Variants in COG5 observed in about 807,000 individuals in gnomAD.
COG5 encodes component of oligomeric golgi complex 5, also known as conserved oligomeric Golgi complex subunit 5.
A neutral mutation model predicts 110.4 loss-of-function variants in COG5; 86 were observed. The observed-to-expected ratio is 0.78, with a 90% CI of 0.65 to 0.93. COG5 has a LOEUF of 0.93. COG5 is among the 40% of genes least tolerant of loss of function. The probability of loss-of-function intolerance (pLI) is 0.00; values close to 1 mark genes in which losing one functional copy is unlikely to be tolerated. For missense variants in COG5, 1,077 were observed against 987.0 expected, an observed-to-expected ratio of 1.09 and a Z score of -1.22; for synonymous variants, 360 against 334.6, an observed-to-expected ratio of 1.08 and a Z score of -0.83.
chr7:107,213,426 C>G (rs1402253233), intron 19 of COG5, among the ~76,000 whole-genome samples: 8 of 152,224 alleles, frequency 5.3e-5, no homozygotes, highest in Admixed American at 1.3e-4. Flanking sequence ...TGGAGCATAA[C>G]CTCTGGACTT....
intron 6 of COG5, among the ~76,000 whole-genome samples, chr7:107,524,635 T>G (rs1253083932): frequency 1.3e-5 from 2 of 152,222 alleles, no homozygotes; most frequent in East Asian, 3.9e-4. Flanking sequence ...TGGCTTCTCC[T>G]TATTATAAAT....
intron 6 of COG5, among the ~76,000 whole-genome samples, chr7:107,432,044 G>A (rs1794061427): frequency 6.6e-6 from 1 of 152,160 alleles, no homozygotes; most frequent in Non-Finnish European, 1.5e-5. Context: ...GTTTGTGTGT[G>A]TGTGCATGAA....
intron 7 of COG5, among the ~76,000 whole-genome samples, chr7:107,383,557 T>C (rs901732461): frequency 2.0e-5 from 3 of 152,090 alleles, no homozygotes; most frequent in African/African-American, 4.8e-5. Context: ...ACCTCAAGGG[T>C]GCAAGCTGCT....
intron 6 of COG5, among the ~76,000 whole-genome samples, chr7:107,487,147 T>C (rs1797702225): frequency 6.6e-6 from 1 of 152,102 alleles, no homozygotes; most frequent in South Asian, 2.1e-4. Flanking sequence ...GGGAAACACA[T>C]TTACAACCTA....
intron 17 of COG5, among the ~76,000 whole-genome samples, chr7:107,240,866 T>C (rs1272920325): frequency 6.6e-6 from 1 of 152,232 alleles, no homozygotes; most frequent in Non-Finnish European, 1.5e-5. Context: ...TGTACTGCTA[T>C]ATATGAATAA....
Position 107,474,092 on chromosome 7 carries a change from T to C in COG5, c.538+53145A>G, listed in dbSNP as rs1796822232. The C allele has an allele frequency of 6.3e-7, 1 of 1,581,936 alleles. No homozygotes were observed. The highest frequency in any genetic ancestry group is 1.4e-5 in the African/African-American group (1 of 73,800). On this transcript the variant is annotated intron_variant, in intron 6 of 21. Coordinates refer to ENST00000297135, the MANE Select transcript of COG5 (RefSeq NM_006348.5). This position sits in a 1 kb window ranked among gnomAD's most constrained non-coding sequence, Gnocchi z 5.7. Reference sequence around the variant, plus strand: ...TTTTCTCCCATTCTGGAAATCAACATGCAGTCTGAATCTAACATTACAGTG... The same window carrying C: ...TTTTCTCCCATTCTGGAAATCAACACGCAGTCTGAATCTAACATTACAGTG...
At position 107,321,621 on chromosome 7, in the gene COG5, A is replaced by AT. The variant is rs562822882; in HGVS notation, c.1108+2818dup. On this transcript the variant is annotated intron_variant, in intron 11 of 21. Transcript: ENST00000297135. ...ACAGAGTCCAGAAATAGTCTTACTT[A>AT]TAGATAACCAAATGATTTTCAACAA... Among the ~76,000 whole-genome samples the AT allele has an allele frequency of 3.3e-5, 5 of 152,328 alleles. No individual in the cohort carries two copies. The East Asian group carries it at 9.7e-4, about 29-fold the overall frequency.
chr7:107,348,125 C>CAAAAAAA (rs34140927), intron 10 of COG5, among the ~76,000 whole-genome samples: 3 of 51,240 alleles, frequency 5.9e-5, no homozygotes, highest in Non-Finnish European at 1.0e-4. Flanking sequence ...GACTCCATCT[C>CAAAAAAA]AAAAAAAAAA....
At chr7:107,349,676 G>C (rs1562982026) in intron 10 of COG5, among the ~76,000 whole-genome samples, 1 of 152,090 alleles carries the variant, frequency 6.6e-6, no homozygotes, top group Non-Finnish European at 1.5e-5. Context: ...TCCTGCCTCA[G>C]CCTCCCAAGT....
At chr7:107,504,334 C>A (rs1378416709) in intron 6 of COG5, among the ~76,000 whole-genome samples, 1 of 152,090 alleles carries the variant, frequency 6.6e-6, no homozygotes, top group Non-Finnish European at 1.5e-5. Flanking sequence ...ATCCCTGCAT[C>A]CCTGAAATAA....
intron 17 of COG5, among the ~76,000 whole-genome samples, chr7:107,246,163 C>T (rs1802040730): frequency 3.9e-5 from 6 of 152,100 alleles, no homozygotes; most frequent in Admixed American, 3.9e-4. Context: ...GCTAGTCATA[C>T]ACAGAAGATT....
At chr7:107,325,137 T>C (rs1042030265) in intron 10 of COG5, among the ~76,000 whole-genome samples, 3 of 152,202 alleles carry the variant, frequency 2.0e-5, no homozygotes, top group Non-Finnish European at 1.5e-5. Flanking sequence ...ACTTTGAATA[T>C]ATGTTTTAAA....
At chr7:107,522,475 C>A (rs1800409142) in intron 6 of COG5, among the ~76,000 whole-genome samples, 1 of 151,082 alleles carries the variant, frequency 6.6e-6, no homozygotes, top group Non-Finnish European at 1.5e-5. Context: ...TCTCAAAAAA[C>A]AACAACAACA....
intron 5 of COG5, among the ~76,000 whole-genome samples, chr7:107,528,239 G>C (rs1239053626): frequency 1.3e-5 from 2 of 151,974 alleles, no homozygotes; most frequent in African/African-American, 4.8e-5. Flanking sequence ...CTACAGGCGT[G>C]TGCCACCATG....
intron 3 of COG5, among the ~76,000 whole-genome samples, chr7:107,549,548 C>T (rs1299890909): frequency 3.3e-5 from 5 of 149,778 alleles, no homozygotes; most frequent in Non-Finnish European, 7.4e-5. Context: ...CCCACCACCA[C>T]GCCCAGCTAA....
chr7:107,526,315 A>C (rs985687297), intron 6 of COG5, among the ~76,000 whole-genome samples: 4 of 152,184 alleles, frequency 2.6e-5, no homozygotes, highest in African/African-American at 7.2e-5. Flanking sequence ...AAGCCACATT[A>C]AAAGTGTTGG....
At chr7:107,346,080 T>C (rs1000146571) in intron 10 of COG5, among the ~76,000 whole-genome samples, 2 of 152,192 alleles carry the variant, frequency 1.3e-5, no homozygotes, top group Admixed American at 6.5e-5. Flanking sequence ...GTAAACTAAT[T>C]GATGCTGTAT....
At chr7:107,453,976 A>T (rs1795507357) in intron 6 of COG5, among the ~76,000 whole-genome samples, 1 of 125,764 alleles carries the variant, frequency 8.0e-6, no homozygotes, top group African/African-American at 2.6e-5. Flanking sequence ...AAAACAAATA[A>T]GAAATTTACT....
intron 5 of COG5, among the ~76,000 whole-genome samples, chr7:107,537,819 A>G (rs1801704211): frequency 6.6e-6 from 1 of 152,184 alleles, no homozygotes; most frequent in Non-Finnish European, 1.5e-5. Flanking sequence ...AAATGGCCAA[A>G]AGGCACCACA....
Sources: allele counts gnomAD v4.1 joint callset (sites outside exome capture counted in the v4.1 genomes callset), GRCh38; gene constraint gnomAD v4.1.1; non-coding constraint Gnocchi (gnomAD v3.1); transcripts MANE v1.5; gene names NCBI Gene and HGNC (gene_info 2026-07-23, HGNC 2026-07-21).